The following SKP2 variants were observed in gnomAD, a reference collection of about 807,000 sequenced individuals.
SKP2 encodes S-phase kinase-associated protein 2.
A neutral mutation model predicts 51.8 loss-of-function variants in SKP2; 16 were observed. The observed-to-expected ratio is 0.31, with a 90% CI of 0.21 to 0.47. The LOEUF (loss-of-function observed/expected upper bound fraction) is 0.47. Among genes scored for constraint, SKP2 ranks in the 20% least tolerant of loss-of-function variants. The probability of loss-of-function intolerance (pLI) is 1.00; values close to 1 mark genes in which losing one functional copy is unlikely to be tolerated. For missense variants in SKP2, 377 were observed against 505.3 expected, an observed-to-expected ratio of 0.75 and a Z score of 2.43; for synonymous variants, 176 against 198.6, an observed-to-expected ratio of 0.89 and a Z score of 0.96.
intron 2 of SKP2, among the ~76,000 whole-genome samples, chr5:36,161,819 T>A (rs1745129089): frequency 6.6e-6 from 1 of 152,118 alleles, no homozygotes; most frequent in South Asian, 2.1e-4. Flanking sequence ...CACCTTTAAA[T>A]GGGAGTAGGA....
At chr5:36,191,918 A>AAAAC (rs1746033215) in intron 6 of SKP2, among the ~76,000 whole-genome samples, 1 of 152,220 alleles carries the variant, frequency 6.6e-6, no homozygotes, top group African/African-American at 2.4e-5. Context: ...TGGATAACTC[A>AAAAC]AAACGTAACT....
In SKP2 at chr5:36,171,849, T is replaced by C. The variant is rs183163281; in HGVS notation, c.901+116T>C. The stretch of plus-strand genomic sequence containing the variant: ...TTTCTCATTTAATCCAGTGCATGTG[T>C]TAGTCCCCTTTTTCAGATGAGGTAG... On this transcript the variant is annotated intron_variant, in intron 7 of 9. Transcript: ENST00000274255. 1,858 of 981,896 alleles carry C rather than the reference T, an allele frequency of 1.9e-3. 24 individuals are homozygous for C. The African/African-American group carries it at 0.027, about 14-fold the overall frequency. The allele number at this position is 981,896 out of a possible 1,614,324, so 60.8% of individuals were successfully genotyped here.
chr5:36,181,878 T>TA lies in SKP2; in HGVS notation c.1123dup (p.Thr375AsnfsTer15). On this transcript the variant is annotated frameshift_variant, in exon 10 of 10. Transcript: ENST00000274255. LOFTEE classifies it high-confidence loss of function. ...AAGTTTTTGGAATCGTGCCAGATGGTACCCTTCAACTGTTAAAGGAAGCCC... is the reference window on the plus strand; with the variant it reads ...AAGTTTTTGGAATCGTGCCAGATGGTAACCCTTCAACTGTTAAAGGAAGCCC... 6.2e-7 allele frequency: 1 copy of TA among 1,614,078 alleles called. No homozygotes were observed. Among genetic ancestry groups the TA allele is most frequent in the Non-Finnish European group, 8.5e-7 (1 of 1,179,954 alleles).
chr5:36,187,631 G>A (rs1745968613), downstream of SKP2, among the ~76,000 whole-genome samples: 2 of 152,170 alleles, frequency 1.3e-5, no homozygotes, highest in Admixed American at 1.3e-4. Flanking sequence ...TTTTACATTT[G>A]CTGAGGAGTG....
chr5:36,185,448 T>A (rs1353174224), downstream of SKP2, among the ~76,000 whole-genome samples: 1 of 152,226 alleles, frequency 6.6e-6, no homozygotes, highest in South Asian at 2.1e-4. Flanking sequence ...AAGGAAGGGA[T>A]CCAGTTTCAG....
intron 7 of SKP2, among the ~76,000 whole-genome samples, chr5:36,176,483 T>A (rs33661): frequency 0.83 from 125,292 of 150,968 alleles, 53,382 homozygotes; most frequent in Non-Finnish European, 0.94. Flanking sequence ...TACAAAAATA[T>A]TATTTTTGTA....
At chr5:36,180,289 CGTAA>C in intron 9 of SKP2, 1 of 1,332,332 alleles carries the variant, frequency 7.5e-7, no homozygotes, top group Non-Finnish European at 1.0e-6. Flanking sequence ...TTGCTGTCAT[CGTAA>C]GTGATTAAGT....
chr5:36,175,643 G>GTGTA (rs954487875), intron 7 of SKP2, among the ~76,000 whole-genome samples: 2 of 149,806 alleles, frequency 1.3e-5, no homozygotes, highest in African/African-American at 4.9e-5. Context: ...CTTTCTTTCT[G>GTGTA]TGTATGTGTT....
At chr5:36,153,079 G>A (rs1259534670) in intron 2 of SKP2, 37 bp downstream of exon 2, 1 of 1,594,246 alleles carries the variant, frequency 6.3e-7, no homozygotes, top group African/African-American at 1.3e-5. Flanking sequence ...GTTATGCAAA[G>A]GGTGGATTTA....
At position 36,164,903 on chromosome 5, in the gene SKP2, T is replaced by C. The variant is rs76249132; in HGVS notation, c.392+1147T>C. 5.4e-4 allele frequency among the ~76,000 whole-genome samples: 82 copies of C among 152,340 alleles called. No homozygotes were observed. In the East Asian group the frequency reaches 0.016, roughly 29 times the overall value. On this transcript the variant is annotated intron_variant, in intron 3 of 9. Coordinates refer to ENST00000274255, the MANE Select transcript of SKP2 (RefSeq NM_005983.4). ...TTCATTATCTCACATAGTTACCTAT[T>C]TTTTGTGGCAAAAGCACCTAAAATT...
downstream of SKP2, among the ~76,000 whole-genome samples, chr5:36,188,556 C>T: frequency 6.6e-6 from 1 of 152,126 alleles, no homozygotes; most frequent in Non-Finnish European, 1.5e-5. Context: ...TGAATATTGG[C>T]CCCCACTCTC....
intron 2 of SKP2, among the ~76,000 whole-genome samples, chr5:36,159,594 A>G (rs964587657): frequency 1.3e-5 from 2 of 152,190 alleles, no homozygotes; most frequent in African/African-American, 4.8e-5. Flanking sequence ...ACAGCAATTG[A>G]TGGATTAATA....
chr5:36,174,772 G>A (rs564553204), intron 7 of SKP2, among the ~76,000 whole-genome samples: 98 of 152,216 alleles, frequency 6.4e-4, no homozygotes, highest in Non-Finnish European at 1.3e-3. Flanking sequence ...AGACTGTACT[G>A]GACCCAGAGA....
chr5:36,190,898 T>C (rs778588809), intron 6 of SKP2, among the ~76,000 whole-genome samples: 7 of 152,194 alleles, frequency 4.6e-5, no homozygotes, highest in African/African-American at 1.2e-4. Flanking sequence ...TGAAGCATTG[T>C]ATATCAAGAT....
chr5:36,153,162 C>A, intron 2 of SKP2, 120 bp downstream of exon 2: 2 of 924,612 alleles, frequency 2.2e-6, no homozygotes, highest in African/African-American at 1.7e-5. Flanking sequence ...AATTCTGAAG[C>A]TATTTTTCAA....
intron 2 of SKP2, among the ~76,000 whole-genome samples, chr5:36,155,523 C>T (rs548856878): frequency 1.0e-3 from 153 of 152,298 alleles, no homozygotes; most frequent in African/African-American, 3.5e-3. Flanking sequence ...GCCACTGACA[C>T]GTAACAATAC....
downstream of SKP2, among the ~76,000 whole-genome samples, chr5:36,185,033 A>G (rs1435971085): frequency 6.6e-6 from 1 of 152,052 alleles, no homozygotes; most frequent in African/African-American, 2.4e-5. Context: ...CCATTTTTTC[A>G]TGTGTCTCTT....
At chr5:36,168,235 G>GA in intron 4 of SKP2, 78 bp from the exon 5 acceptor site, 2 of 1,381,428 alleles carry the variant, frequency 1.4e-6, no homozygotes, top group Non-Finnish European at 2.0e-6. Context: ...CTCATTTGGG[G>GA]AGAAGAGGGG....
rs375663524 is a variant in SKP2 at position 36,171,598 on chromosome 5, T to C, written c.771-5T>C. 25 of 1,613,384 alleles carry C rather than the reference T, an allele frequency of 1.5e-5. No homozygotes were observed. In the Middle Eastern group the frequency reaches 5.0e-4, roughly 32 times the overall value. ...TATTTTGTTTATTACCCCTCTTTTG[T>C]GCAGACTGGATGAGCTGAACCTCTC... On this transcript the variant is annotated splice_region_variant and splice_polypyrimidine_tract_variant and intron_variant, in intron 6 of 9. Transcript: ENST00000274255.
Sources: gnomAD v4.1 joint callset for allele counts (sites outside exome capture counted in the v4.1 genomes callset) on GRCh38, gnomAD v4.1.1 for gene constraint, MANE v1.5 for transcripts, NCBI Gene and HGNC (gene_info 2026-07-23, HGNC 2026-07-21) for gene names.